The following METTL16 variants were observed in gnomAD, a reference collection of about 807,000 sequenced individuals.
METTL16 encodes methyltransferase 16, RNA N6-adenosine.
METTL16 carries 19 observed loss-of-function variants against 57.9 expected under a neutral mutation model. The observed-to-expected ratio is 0.33, with a 90% confidence interval of 0.23 to 0.48. The LOEUF (loss-of-function observed/expected upper bound fraction) is 0.48. Among genes scored for constraint, METTL16 ranks in the 20% least tolerant of loss-of-function variants. METTL16 has a pLI of 0.99. For missense variants in METTL16, 434 were observed against 691.5 expected (o/e 0.63, Z 4.18); for synonymous variants, 246 against 255.6 (o/e 0.96, Z 0.36).
intron 6 of METTL16, among the ~76,000 whole-genome samples, chr17:2,448,807 A>AAT (rs1567890025): frequency 2.3e-5 from 3 of 132,648 alleles, no homozygotes; most frequent in African/African-American, 9.7e-5. Flanking sequence ...AAATTTAAAA[A>AAT]AAAAAAAAAA....
At chr17:2,429,127 G>C (rs573616662) in intron 8 of METTL16, among the ~76,000 whole-genome samples, 1 of 151,526 alleles carries the variant, frequency 6.6e-6, no homozygotes, top group Non-Finnish European at 1.5e-5. Flanking sequence ...CAAAGCGCTG[G>C]GATTACAGGC....
chr17:2,438,263 T>C (rs539407206), intron 7 of METTL16, 65 bp from the exon 8 acceptor site: 2 of 1,158,088 alleles, frequency 1.7e-6, no homozygotes, highest in South Asian at 2.5e-5. Flanking sequence ...TTCTGGCTGC[T>C]GCGTCATGCC....
At chr17:2,483,627 C>T (rs558037781) in intron 2 of METTL16, among the ~76,000 whole-genome samples, 17 of 152,236 alleles carry the variant, frequency 1.1e-4, no homozygotes, top group Admixed American at 9.2e-4. Flanking sequence ...CTCAATAGCA[C>T]GCAATGGCCT....
chr17:2,428,596 TATATA>T (rs1567881703), intron 8 of METTL16, among the ~76,000 whole-genome samples: 3 of 39,822 alleles, frequency 7.5e-5, no homozygotes, highest in Non-Finnish European at 1.2e-4. Flanking sequence ...TATATATATA[TATATA>T]TAAATTGTAA....
Position 2,438,123 on chromosome 17 carries a change from C to T in METTL16, c.874G>A (p.Asp292Asn). The stretch of plus-strand genomic sequence containing the variant: ...TCTGTACTTACTGGTACTGTGACAT[C>T]ATCATAAAAACTCCAAGCTAAGGCC... ...RWALAWSFYDDVTVPSPPSKR... is the reference protein window; with the variant it reads ...RWALAWSFYDNVTVPSPPSKR... The change falls in exon 8 of 10, where the codon GAT becomes AAT. Residue 292 changes from aspartate to asparagine, a missense_variant. By Grantham distance (23) the Asp-to-Asn change is conservative (BLOSUM62 1). Around this residue, in one of 5 missense-constraint regions of METTL16, gnomAD observed 96 missense variants for 138.3 expected, o/e 0.69. Transcript: ENST00000263092. 1 of 1,613,254 alleles carries T rather than the reference C, an allele frequency of 6.2e-7. No homozygotes were observed. Among genetic ancestry groups the T allele is most frequent in the Non-Finnish European group, 8.5e-7 (1 of 1,179,306 alleles).
chr17:2,480,208 GA>G (rs2067295710), intron 2 of METTL16, among the ~76,000 whole-genome samples: 1 of 147,780 alleles, frequency 6.8e-6, no homozygotes, highest in African/African-American at 2.5e-5. Context: ...AAAAAGAAAA[GA>G]AAAGAAAAAA....
Position 2,419,279 on chromosome 17 carries a change from TG to T in METTL16, c.*690del, listed in dbSNP as rs2066742095. 1 of 179,548 alleles carries T rather than the reference TG, an allele frequency of 5.6e-6. No homozygotes were observed. The highest frequency in any genetic ancestry group is 1.1e-4 in the South Asian group (1 of 9,054). The allele number at this position is 179,548 out of a possible 1,614,324, so 11.1% of individuals were successfully genotyped here. ...AATGGTACTGTCAACAGGCTGGAGG[TG>T]GGGGTATGGGTGCCTTCTGTGTGCC... is the stretch of plus-strand genomic sequence containing the variant. On this transcript the variant is annotated 3_prime_UTR_variant, in exon 10 of 10. Coordinates refer to ENST00000263092, the MANE Select transcript of METTL16 (RefSeq NM_024086.4).
intron 8 of METTL16, chr17:2,424,150 G>T (rs1007378184): frequency 7.5e-4 from 111 of 148,904 alleles, no homozygotes; most frequent in African/African-American, 2.5e-3. Flanking sequence ...GTCTCGCTCT[G>T]TCGCCCAGGC....
intron 5 of METTL16, among the ~76,000 whole-genome samples, chr17:2,466,738 G>A (rs2067199773): frequency 6.6e-6 from 1 of 152,012 alleles, no homozygotes; most frequent in South Asian, 2.1e-4. Context: ...TGAATGCTAT[G>A]TAAAAATAGT....
chr17:2,447,479 G>T, intron 6 of METTL16, among the ~76,000 whole-genome samples: 1 of 131,476 alleles, frequency 7.6e-6, no homozygotes, highest in Non-Finnish European at 1.6e-5. Context: ...CCGGCCAGCC[G>T]CCCCGTCCGG....
intron 2 of METTL16, among the ~76,000 whole-genome samples, chr17:2,491,954 G>C (rs1023674447): frequency 9.3e-5 from 14 of 150,626 alleles, no homozygotes; most frequent in African/African-American, 3.4e-4. Context: ...GCTCACGCCT[G>C]TAACCCCAGC....
intron 4 of METTL16, 142 bp from the exon 5 acceptor site, chr17:2,468,018 C>A: frequency 1.6e-6 from 1 of 626,076 alleles, no homozygotes; most frequent in Non-Finnish European, 2.9e-6. Context: ...TTTTACTGTA[C>A]CTTTTCTATG....
intron 2 of METTL16, among the ~76,000 whole-genome samples, chr17:2,479,909 G>T (rs922183747): frequency 6.6e-6 from 1 of 152,068 alleles, no homozygotes. Context: ...AGGACTGGCC[G>T]GGCACGGTGG....
Position 2,492,912 on chromosome 17 carries a change from A to C in METTL16, c.128+9292T>G, listed in dbSNP as rs199863030. Among the ~76,000 whole-genome samples the C allele has an allele frequency of 2.9e-4, 41 of 143,384 alleles. 1 individual carries two copies. Among genetic ancestry groups the C allele is most frequent in the East Asian group, 2.7e-3 (13 of 4,870 alleles). The allele number at this position is 143,384 out of a possible 152,430, so 94.1% of individuals were successfully genotyped here. A position where few individuals can be genotyped will look rare whatever the true frequency, so the allele number is the denominator to read the frequency against. ...GACTCCGTCTCAAAAAAAAAAAAAA[A>C]AAAACAACAAAAAAAACACAGCTGG... is the stretch of plus-strand genomic sequence containing the variant. On this transcript the variant is annotated intron_variant, in intron 2 of 9. Transcript: ENST00000263092.
Position 2,438,101 on chromosome 17 carries a change from G to A in METTL16, c.888+8C>T, listed in dbSNP as rs772473575. 7 of 1,603,812 alleles carry A rather than the reference G, an allele frequency of 4.4e-6. No individual in the cohort carries two copies. The highest frequency in any genetic ancestry group is 6.0e-6 in the Non-Finnish European group (7 of 1,170,834). On this transcript the variant is annotated splice_region_variant and intron_variant, in intron 8 of 9. Coordinates refer to ENST00000263092, the MANE Select transcript of METTL16 (RefSeq NM_024086.4). ...CAGGTGGTGAAGCGGAGCAAGGTCT[G>A]TACTTACTGGTACTGTGACATCATC... is the stretch of plus-strand genomic sequence containing the variant.
At chr17:2,479,376 T>C (rs1257785969) in intron 2 of METTL16, among the ~76,000 whole-genome samples, 2 of 150,640 alleles carry the variant, frequency 1.3e-5, no homozygotes, top group African/African-American at 2.5e-5. Flanking sequence ...CAGCCCCTTA[T>C]GTTGCCTCAA....
chr17:2,495,167 CA>C, intron 2 of METTL16, among the ~76,000 whole-genome samples: 1 of 151,302 alleles, frequency 6.6e-6, no homozygotes, highest in African/African-American at 2.4e-5. Context: ...TGGGGTGAAA[CA>C]ACAACGACAA....
At chr17:2,445,263 C>T (rs560988569) in intron 6 of METTL16, among the ~76,000 whole-genome samples, 16 of 152,160 alleles carry the variant, frequency 1.1e-4, no homozygotes, top group East Asian at 9.7e-4. Context: ...CTGTACATGC[C>T]GTACAGGTTT....
chr17:2,505,395 ATTTTTTTTTTTTTTTTTTTTTT>A (rs564797281), intron 1 of METTL16, among the ~76,000 whole-genome samples: 3 of 50,590 alleles, frequency 5.9e-5, no homozygotes, highest in African/African-American at 1.9e-4. Flanking sequence ...GCCCAGAGGC[ATTTTTTTTTTTTTTTTTTTTTT>A]TTTTTTTTTT....
Sources: allele counts gnomAD v4.1 joint callset (sites outside exome capture counted in the v4.1 genomes callset), GRCh38; gene constraint gnomAD v4.1.1; regional missense constraint gnomAD v4.1.1; transcripts MANE v1.5; gene names NCBI Gene and HGNC (gene_info 2026-07-23, HGNC 2026-07-21).